The following RNF180 variants were observed in gnomAD, a reference collection of about 807,000 sequenced individuals.
The protein encoded by RNF180 is ring finger protein 180.
RNF180 carries 38 observed loss-of-function variants against 59.2 expected under a neutral mutation model. The observed-to-expected ratio is 0.64, with a 90% CI of 0.50 to 0.84. RNF180 has a LOEUF of 0.84. RNF180 is among the 40% of genes least tolerant of loss of function. RNF180 has a pLI of 0.00. For synonymous variants in RNF180, 262 were observed against 240.3 expected (o/e 1.09, Z -0.84); for missense variants, 705 against 700.9 (o/e 1.01, Z -0.07).
intron 2 of RNF180, among the ~76,000 whole-genome samples, 199 bp downstream of exon 2, chr5:64,201,141 G>C (rs575350327): frequency 1.3e-5 from 2 of 152,230 alleles, no homozygotes; most frequent in Admixed American, 6.5e-5. Context: ...CCCTTCCAAG[G>C]TTAAAATTAA....
chr5:64,270,368 T>C lies in RNF180; in HGVS notation c.1227+52972T>C, dbSNP rs144235582. ...GGAAATTAATTGAGTAAATGCACTA[T>C]TTATTTCCCTGTATAGTCATCTAAA... On this transcript the variant is annotated intron_variant, in intron 5 of 7. Transcript: ENST00000389100. Among the ~76,000 whole-genome samples the C allele has an allele frequency of 4.5e-3, 679 of 152,288 alleles. 6 individuals carry two copies. The highest frequency in any genetic ancestry group is 0.015 in the African/African-American group (631 of 41,568).
chr5:64,213,281 C>A (rs1752404528), intron 3 of RNF180, among the ~76,000 whole-genome samples: 1 of 152,138 alleles, frequency 6.6e-6, no homozygotes, highest in Non-Finnish European at 1.5e-5. Context: ...CCATATTCAA[C>A]CTATTGTTCA....
chr5:64,192,388 G>C (rs1751203171), intron 1 of RNF180, among the ~76,000 whole-genome samples: 2 of 152,000 alleles, frequency 1.3e-5, no homozygotes, highest in African/African-American at 4.8e-5. Context: ...AAACAGTATG[G>C]AGTTGCCAGG....
intron 5 of RNF180, among the ~76,000 whole-genome samples, chr5:64,266,704 A>T (rs1222371998): frequency 6.6e-6 from 1 of 152,194 alleles, no homozygotes; most frequent in East Asian, 1.9e-4. Flanking sequence ...CAAAATTTAA[A>T]TAATGCAGGG....
chr5:64,286,335 G>T (rs751891941), intron 5 of RNF180, among the ~76,000 whole-genome samples: 1 of 152,102 alleles, frequency 6.6e-6, no homozygotes, highest in Non-Finnish European at 1.5e-5. Flanking sequence ...GCTATATAAA[G>T]ACATAAGTTT....
intron 5 of RNF180, among the ~76,000 whole-genome samples, chr5:64,274,389 A>G (rs546363227): frequency 9.2e-5 from 14 of 152,026 alleles, no homozygotes; most frequent in African/African-American, 3.4e-4. Context: ...ATAGTCTTCA[A>G]AAGTGAATTC....
chr5:64,314,396 G>A (rs1031996419), intron 5 of RNF180, among the ~76,000 whole-genome samples: 2 of 151,754 alleles, frequency 1.3e-5, no homozygotes, highest in Non-Finnish European at 1.5e-5. Context: ...CTAAATAATC[G>A]TATTTACTAT....
chr5:64,359,508 T>G (rs1244838918), intron 7 of RNF180, among the ~76,000 whole-genome samples: 1 of 152,068 alleles, frequency 6.6e-6, no homozygotes, highest in Non-Finnish European at 1.5e-5. Flanking sequence ...TAAATTTGTT[T>G]GAGTTCATTG....
At chr5:64,249,858 C>T (rs1236567835) in intron 5 of RNF180, among the ~76,000 whole-genome samples, 1 of 152,090 alleles carries the variant, frequency 6.6e-6, no homozygotes, top group African/African-American at 2.4e-5. Flanking sequence ...GAGAGATGAA[C>T]TGCAATACAA....
chr5:64,319,447 A>G (rs903091196), intron 5 of RNF180, among the ~76,000 whole-genome samples: 1 of 152,214 alleles, frequency 6.6e-6, no homozygotes, highest in Non-Finnish European at 1.5e-5. Flanking sequence ...ATATGAAATA[A>G]TATGAATGAG....
chr5:64,310,292 A>G (rs373491440), intron 5 of RNF180, among the ~76,000 whole-genome samples: 1 of 151,816 alleles, frequency 6.6e-6, no homozygotes, highest in African/African-American at 2.4e-5. Flanking sequence ...AACTATTAAA[A>G]GTAAATGTTC....
chr5:64,262,169 A>G (rs936231028), intron 5 of RNF180, among the ~76,000 whole-genome samples: 1 of 152,148 alleles, frequency 6.6e-6, no homozygotes, highest in Non-Finnish European at 1.5e-5. Context: ...AGGGGATACA[A>G]ATTGCTTTAA....
intron 1 of RNF180, among the ~76,000 whole-genome samples, chr5:64,183,704 G>T (rs749047405): frequency 6.6e-6 from 1 of 152,022 alleles, no homozygotes; most frequent in African/African-American, 2.4e-5. Flanking sequence ...CGCCTTGGCC[G>T]CTGAAAGTGC....
chr5:64,266,398 A>C (rs1450170643), intron 5 of RNF180, among the ~76,000 whole-genome samples: 1 of 140,618 alleles, frequency 7.1e-6, no homozygotes, highest in Non-Finnish European at 1.6e-5. Context: ...TATAACTATA[A>C]TAGTTATAAT....
chr5:64,197,453 A>G (rs1051160947), intron 1 of RNF180, among the ~76,000 whole-genome samples: 6 of 152,208 alleles, frequency 3.9e-5, no homozygotes, highest in Non-Finnish European at 8.8e-5. Flanking sequence ...TTGCACAAAT[A>G]ATACAAAAGC....
intron 5 of RNF180, among the ~76,000 whole-genome samples, chr5:64,318,322 A>G (rs1347274427): frequency 3.9e-5 from 6 of 152,212 alleles, no homozygotes; most frequent in Admixed American, 3.9e-4. Flanking sequence ...TGAGACATGT[A>G]TGAAATAACT....
At chr5:64,274,044 C>T (rs1291157985) in intron 5 of RNF180, among the ~76,000 whole-genome samples, 1 of 151,926 alleles carries the variant, frequency 6.6e-6, no homozygotes, top group Non-Finnish European at 1.5e-5. Flanking sequence ...TTCAGAGAAG[C>T]CCTGATTTTA....
At chr5:64,343,406 A>C (rs1051443089) in intron 7 of RNF180, among the ~76,000 whole-genome samples, 3 of 152,012 alleles carry the variant, frequency 2.0e-5, no homozygotes, top group African/African-American at 7.2e-5. Flanking sequence ...GTAATTGGAG[A>C]CCCTGAAGGA....
intron 5 of RNF180, among the ~76,000 whole-genome samples, chr5:64,293,277 C>G (rs958105418): frequency 4.6e-5 from 7 of 152,082 alleles, no homozygotes; most frequent in African/African-American, 1.7e-4. Flanking sequence ...CTCTGCTTTT[C>G]TTCATTCTTC....
Sources: gnomAD v4.1 joint callset for allele counts (sites outside exome capture counted in the v4.1 genomes callset) on GRCh38, gnomAD v4.1.1 for gene constraint, MANE v1.5 for transcripts, NCBI Gene and HGNC (gene_info 2026-07-23, HGNC 2026-07-21) for gene names.